PELI1: variants seen among roughly 807,000 people sequenced by gnomAD.
The protein encoded by PELI1 is pellino E3 ubiquitin protein ligase 1, also known as E3 ubiquitin-protein ligase pellino homolog 1.
Under a neutral mutation model 41.3 loss-of-function variants are expected in PELI1, and 15 were observed. The ratio of observed to expected loss-of-function variants is 0.36; its 90% CI spans 0.24 to 0.56. PELI1 has a LOEUF of 0.56. Ranked by LOEUF, PELI1 falls within the 20% of genes least tolerant of loss-of-function variation. The pLI, the probability that PELI1 is intolerant of heterozygous loss-of-function variation, is 0.82. For synonymous variants in PELI1, 178 were observed against 180.1 expected (o/e 0.99, Z 0.09); for missense variants, 403 against 525.5 (o/e 0.77, Z 2.28).
Position 64,102,846 on chromosome 2 carries a change from TTTTTTTTTTA to T in PELI1, c.201+1845_201+1854del, listed in dbSNP as rs796968709. On this transcript the variant is annotated intron_variant, in intron 3 of 6. Coordinates refer to ENST00000358912, the MANE Select transcript of PELI1 (RefSeq NM_020651.4). ...GAGGAGGAGTCAATCTTTTTTTTTT[TTTTTTTTTTA>T]AACTGAGACAGGGTCTCACTCTGTC... Among the ~76,000 whole-genome samples the T allele has an allele frequency of 4.0e-4, 54 of 134,410 alleles. 1 individual carries two copies. Among genetic ancestry groups the T allele is most frequent in the African/African-American group, 1.3e-3 (51 of 37,852 alleles). 88.2% of individuals were successfully genotyped at this position (134,410 alleles called of 152,430 possible). A position where few individuals can be genotyped will look rare whatever the true frequency, so the allele number is the denominator to read the frequency against.
chr2:64,106,409 C>A (rs564302342), intron 2 of PELI1: 1 of 152,148 alleles, frequency 6.6e-6, no homozygotes, highest in South Asian at 2.1e-4. Context: ...CTAAGACTGG[C>A]GGTTTAAAAC....
At chr2:64,105,668 G>A (rs999305420) in intron 2 of PELI1, among the ~76,000 whole-genome samples, 1 of 152,162 alleles carries the variant, frequency 6.6e-6, no homozygotes, top group Non-Finnish European at 1.5e-5. Context: ...ATTATATTCT[G>A]AAGTGACACT....
At chr2:64,110,436 G>GA (rs879803588) in intron 1 of PELI1, among the ~76,000 whole-genome samples, 2 of 151,908 alleles carry the variant, frequency 1.3e-5, no homozygotes, top group Non-Finnish European at 2.9e-5. Context: ...CTCAGACGAG[G>GA]AAAAATTGAG....
At chr2:64,121,240 T>C (rs970623132) in intron 1 of PELI1, among the ~76,000 whole-genome samples, 4 of 152,212 alleles carry the variant, frequency 2.6e-5, no homozygotes, top group Non-Finnish European at 5.9e-5. Context: ...TCCGGGCTGA[T>C]GAGATTGCTC....
Position 64,094,906 on chromosome 2 carries a change from A to G in PELI1, c.1053T>C (p.Ala351=). 1 of 1,614,226 alleles carries G rather than the reference A, an allele frequency of 6.2e-7. No individual in the cohort carries two copies. The highest frequency in any genetic ancestry group is 8.5e-7 in the Non-Finnish European group (1 of 1,180,046). Reference sequence around the variant, plus strand: ...GAGGGCCGGCGTCCACATAAAATCCAGCTTCACATCCAAGCCACAGAGGAA... The same window carrying G: ...GAGGGCCGGCGTCCACATAAAATCCGGCTTCACATCCAAGCCACAGAGGAA... ...PYVPLWLGCE[A]GFYVDAGPPT... is the part of the protein sequence containing the mutation. Residue 351 remains alanine, a synonymous_variant, in exon 7 of 7, where the codon GCT becomes GCC. Transcript: ENST00000358912.
At chr2:64,110,819 C>T (rs1224291519) in intron 1 of PELI1, among the ~76,000 whole-genome samples, 2 of 151,832 alleles carry the variant, frequency 1.3e-5, no homozygotes, top group African/African-American at 2.4e-5. Context: ...CCTAGCTACT[C>T]GGGAGGCTGA....
At chr2:64,132,438 G>T (rs930353696) in intron 1 of PELI1, among the ~76,000 whole-genome samples, 1 of 152,136 alleles carries the variant, frequency 6.6e-6, no homozygotes, top group African/African-American at 2.4e-5. Flanking sequence ...AATAAGTCCC[G>T]GTGAGGCTTG....
At chr2:64,110,397 G>A (rs1443294234) in intron 1 of PELI1, among the ~76,000 whole-genome samples, 1 of 152,000 alleles carries the variant, frequency 6.6e-6, no homozygotes, top group East Asian at 1.9e-4. Flanking sequence ...TTCAGGTGCT[G>A]ACAAAAATGG....
rs1385939679 is a variant in PELI1 at position 64,144,283 on chromosome 2, T to C, written c.-272A>G. The C allele has an allele frequency of 6.6e-6, 1 of 152,168 alleles. No homozygotes were observed. The highest frequency in any genetic ancestry group is 1.5e-5 in the Non-Finnish European group (1 of 68,052). The allele number at this position is 152,168 out of a possible 1,614,324, so 9.4% of individuals were successfully genotyped here. ...CGGACGCAGGGAGAGGCGTTGGGGC[T>C]GCTTTGTGGTGCGCTCCCGGAGGGC... On this transcript the variant is annotated 5_prime_UTR_variant, in exon 1 of 7. Coordinates refer to ENST00000358912, the MANE Select transcript of PELI1 (RefSeq NM_020651.4).
Position 64,092,928 on chromosome 2 carries a change from G to A in PELI1, c.*1774C>T, listed in dbSNP as rs986784826. The A allele has an allele frequency of 6.6e-6, 1 of 152,230 alleles. No individual in the cohort carries two copies. Among genetic ancestry groups the A allele is most frequent in the Non-Finnish European group, 1.5e-5 (1 of 68,026 alleles). 9.4% of individuals were successfully genotyped at this position (152,230 alleles called of 1,614,324 possible). ...AATAAAAATTAAGCTACAATATATAGCCTGAATAAAAATGACTAGAACAAA... is the reference window on the plus strand; with the variant it reads ...AATAAAAATTAAGCTACAATATATAACCTGAATAAAAATGACTAGAACAAA... On this transcript the variant is annotated 3_prime_UTR_variant, in exon 7 of 7. Transcript: ENST00000358912.
In PELI1 at chr2:64,141,508, T is replaced by C. The variant is rs984633861; in HGVS notation, c.-70+2573A>G. Among the ~76,000 whole-genome samples, 4 of 152,208 alleles carry C rather than the reference T, an allele frequency of 2.6e-5. No homozygotes were observed. In the South Asian group the frequency reaches 8.3e-4, roughly 32 times the overall value. On this transcript the variant is annotated intron_variant, in intron 1 of 6. Transcript: ENST00000358912. Reference sequence around the variant, plus strand: ...ATATTAGTTTTCAATTCTAAGTCTTTGGCTTAAAATCTTTATCAGCTATAG... The same window carrying C: ...ATATTAGTTTTCAATTCTAAGTCTTCGGCTTAAAATCTTTATCAGCTATAG...
intron 1 of PELI1, among the ~76,000 whole-genome samples, chr2:64,122,376 A>C (rs945347420): frequency 4.0e-5 from 6 of 151,432 alleles, no homozygotes; most frequent in African/African-American, 2.4e-5. Context: ...AGAAAAAAAA[A>C]CGAACAAAAC....
chr2:64,142,209 T>C (rs192833470), intron 1 of PELI1, among the ~76,000 whole-genome samples: 1 of 152,338 alleles, frequency 6.6e-6, no homozygotes, highest in African/African-American at 2.4e-5. Context: ...TCCATACATA[T>C]AACTGTTCTA....
chr2:64,099,340 T>A (rs1680348979), intron 4 of PELI1, among the ~76,000 whole-genome samples: 1 of 152,174 alleles, frequency 6.6e-6, no homozygotes, highest in Admixed American at 6.5e-5. Flanking sequence ...AAAAAAAAGC[T>A]AAGCTCATTC....
chr2:64,121,483 T>TGA (rs544271488), intron 1 of PELI1, among the ~76,000 whole-genome samples: 19 of 152,206 alleles, frequency 1.2e-4, no homozygotes, highest in Admixed American at 1.0e-3. Flanking sequence ...AACAGAGCAC[T>TGA]GAGAGTATAA....
At chr2:64,131,520 C>T (rs1681556073) in intron 1 of PELI1, among the ~76,000 whole-genome samples, 1 of 151,982 alleles carries the variant, frequency 6.6e-6, no homozygotes, top group Admixed American at 6.6e-5. Flanking sequence ...TCCTCAGATG[C>T]AGATTCCATG....
At chr2:64,130,900 C>A (rs1335672621) in intron 1 of PELI1, among the ~76,000 whole-genome samples, 1 of 152,032 alleles carries the variant, frequency 6.6e-6, no homozygotes, top group East Asian at 1.9e-4. Context: ...TTTTTTATTT[C>A]ATTTCATACT....
Position 64,095,206 on chromosome 2 carries a change from C to T in PELI1, c.753G>A (p.Leu251=). 1.2e-6 allele frequency: 2 copies of T among 1,614,148 alleles called. No homozygotes were observed. The highest frequency in any genetic ancestry group is 1.7e-6 in the Non-Finnish European group (2 of 1,180,002). ...AAAGGCCTTCTGCAGTACGCCATAA[C>T]AATGTTGCACCACAGAGGTCAATTA... ...GSLIDLCGAT[L]LWRTAEGLSH... is the part of the protein sequence containing the mutation. The change falls in exon 7 of 7, where the codon TTG becomes TTA. Residue 251 remains leucine, a synonymous_variant. Transcript: ENST00000358912.
chr2:64,134,872 T>A (rs1020418578), intron 1 of PELI1, among the ~76,000 whole-genome samples: 7 of 152,134 alleles, frequency 4.6e-5, no homozygotes, highest in African/African-American at 1.7e-4. Context: ...AAAAATAAAA[T>A]TAAACTGTGC....
Sources: allele counts gnomAD v4.1 joint callset (sites outside exome capture counted in the v4.1 genomes callset), GRCh38; gene constraint gnomAD v4.1.1; transcripts MANE v1.5; gene names NCBI Gene and HGNC (gene_info 2026-07-23, HGNC 2026-07-21).